FAM81A: variants seen among roughly 807,000 people sequenced by gnomAD.
FAM81A encodes the protein family with sequence similarity 81 member A.
In FAM81A, 19 loss-of-function variants were observed where a neutral mutation model predicts 46.7. The observed-to-expected ratio is 0.41, with a 90% CI of 0.28 to 0.60. The LOEUF is 0.60. Ranked by LOEUF, FAM81A falls within the 20% of genes least tolerant of loss-of-function variation. The probability of loss-of-function intolerance (pLI) is 0.34; values close to 1 mark genes in which losing one functional copy is unlikely to be tolerated. For missense variants in FAM81A, 377 were observed against 453.5 expected (o/e 0.83, Z 1.53); for synonymous variants, 183 against 152.9 (o/e 1.20, Z -1.45).
chr15:59,419,602 G>A (rs1202765229), intron 2 of FAM81A, among the ~76,000 whole-genome samples: 1 of 152,114 alleles, frequency 6.6e-6, no homozygotes, highest in African/African-American at 2.4e-5. Context: ...GGCCGGGCAC[G>A]GTGGCTCAAG....
intron 2 of FAM81A, among the ~76,000 whole-genome samples, chr15:59,411,359 AGAGGTATATAT>A (rs1276701193): frequency 2.0e-5 from 3 of 152,178 alleles, no homozygotes; most frequent in African/African-American, 2.4e-5. Context: ...GCAGAAACAA[AGAGGTATATAT>A]GCATCTTCCA....
At chr15:59,445,977 G>T (rs1029536153) in intron 1 of FAM81A, among the ~76,000 whole-genome samples, 21 of 152,184 alleles carry the variant, frequency 1.4e-4, no homozygotes, top group Non-Finnish European at 1.0e-4. Flanking sequence ...GCCTTCCGCC[G>T]AGCTCACAGC....
rs554452005 is a variant in FAM81A, at chr15:59,425,202, G to A, written c.-78+22844G>A. ...TAAGCTCCATGAGGGCATAGACCAC[G>A]CAATGACTACAGTGTCCCTGTGCCT... On this transcript the variant is annotated intron_variant, in intron 2 of 4. Transcript: ENST00000558348. Among the ~76,000 whole-genome samples the A allele has an allele frequency of 1.8e-4, 28 of 152,174 alleles. 1 individual carries two copies. The highest frequency in any genetic ancestry group is 1.2e-3 in the Admixed American group (19 of 15,284).
At chr15:59,427,480 T>C (rs1183182435) in intron 2 of FAM81A, among the ~76,000 whole-genome samples, 4 of 152,148 alleles carry the variant, frequency 2.6e-5, no homozygotes, top group Admixed American at 2.0e-4. Flanking sequence ...TACCCTGTTG[T>C]GCTATGAAAT....
intron 8 of FAM81A, among the ~76,000 whole-genome samples, chr15:59,518,943 C>CTGTG (rs34494392): frequency 0.021 from 3,055 of 143,102 alleles, 27 homozygotes; most frequent in Non-Finnish European, 0.028. Flanking sequence ...GTGTGTGTGT[C>CTGTG]TGTGTGTGTG....
At chr15:59,505,507 G>A (rs1406719380) in intron 4 of FAM81A, among the ~76,000 whole-genome samples, 9 of 146,984 alleles carry the variant, frequency 6.1e-5, no homozygotes, top group Non-Finnish European at 1.0e-4. Context: ...GTTAGACTCT[G>A]TCTCGAAAAA....
chr15:59,435,210 C>A (rs1422979242), upstream of FAM81A, among the ~76,000 whole-genome samples: 1 of 151,920 alleles, frequency 6.6e-6, no homozygotes, highest in Non-Finnish European at 1.5e-5. Context: ...TTGCTTGAAC[C>A]CGGGAGGCAG....
chr15:59,441,373 C>T (rs1423232293), intron 1 of FAM81A, among the ~76,000 whole-genome samples: 1 of 152,252 alleles, frequency 6.6e-6, no homozygotes, highest in Non-Finnish European at 1.5e-5. Context: ...TCACTGCCCA[C>T]ATGTGGCTCT....
chr15:59,512,085 CTA>C (rs1476410729), intron 6 of FAM81A, among the ~76,000 whole-genome samples: 5 of 152,254 alleles, frequency 3.3e-5, no homozygotes, highest in Non-Finnish European at 7.4e-5. Flanking sequence ...TTCACTACAG[CTA>C]TACAAATCAG....
At chr15:59,437,209 G>T (rs1486961983), upstream of FAM81A, among the ~76,000 whole-genome samples, 1 of 152,162 alleles carries the variant, frequency 6.6e-6, no homozygotes, top group Non-Finnish European at 1.5e-5. Flanking sequence ...CGAATCCACA[G>T]TTCGGGCTCT....
chr15:59,493,450 C>G (rs1206584931), intron 4 of FAM81A, among the ~76,000 whole-genome samples: 2 of 152,088 alleles, frequency 1.3e-5, no homozygotes, highest in African/African-American at 2.4e-5. Flanking sequence ...CTGTTGACTC[C>G]CTCTTCTCTC....
intron 3 of FAM81A, 90 bp from the exon 4 acceptor site, chr15:59,492,181 A>G (rs1236315252): frequency 1.1e-6 from 1 of 902,092 alleles, no homozygotes; most frequent in African/African-American, 1.7e-5. Flanking sequence ...ACTGAGTTAA[A>G]CATTCTTATT....
intron 4 of FAM81A, among the ~76,000 whole-genome samples, chr15:59,493,827 A>T (rs1463256542): frequency 6.6e-6 from 1 of 152,132 alleles, no homozygotes; most frequent in African/African-American, 2.4e-5. Context: ...ACCTCAGGTG[A>T]TCCGCCCACC....
At chr15:59,507,421 A>G in intron 5 of FAM81A, 79 bp downstream of exon 5, 4 of 1,534,414 alleles carry the variant, frequency 2.6e-6, no homozygotes, top group Non-Finnish European at 2.6e-6. Context: ...ATTATTTCTT[A>G]CAGGAGAAAC....
At chr15:59,442,418 G>C (rs2081308183) in intron 1 of FAM81A, among the ~76,000 whole-genome samples, 1 of 151,998 alleles carries the variant, frequency 6.6e-6, no homozygotes, top group African/African-American at 2.4e-5. Flanking sequence ...TTCCAGACCA[G>C]CCTGGCTAAC....
intron 4 of FAM81A, among the ~76,000 whole-genome samples, chr15:59,503,692 C>G (rs1347850300): frequency 6.6e-6 from 1 of 152,116 alleles, no homozygotes; most frequent in Non-Finnish European, 1.5e-5. Flanking sequence ...TGTGCCTCAG[C>G]CTCCTGAGTA....
At chr15:59,415,894 G>A (rs887770176) in intron 2 of FAM81A, among the ~76,000 whole-genome samples, 1 of 152,190 alleles carries the variant, frequency 6.6e-6, no homozygotes, top group Non-Finnish European at 1.5e-5. Context: ...AAGCAGAAAT[G>A]AACTGATTAA....
intron 2 of FAM81A, among the ~76,000 whole-genome samples, chr15:59,418,830 C>T (rs2081158178): frequency 6.6e-6 from 1 of 152,176 alleles, no homozygotes; most frequent in Admixed American, 6.5e-5. Flanking sequence ...GAGGTGATGT[C>T]TCCTCCTCAC....
At chr15:59,427,892 A>T (rs1047562854) in intron 2 of FAM81A, among the ~76,000 whole-genome samples, 2 of 152,220 alleles carry the variant, frequency 1.3e-5, no homozygotes, top group Non-Finnish European at 2.9e-5. Flanking sequence ...TCTTCGATAT[A>T]CTGATTTCCT....
Sources: gnomAD v4.1 joint callset for allele counts (sites outside exome capture counted in the v4.1 genomes callset) on GRCh38, gnomAD v4.1.1 for gene constraint, MANE v1.5 for transcripts, NCBI Gene and HGNC (gene_info 2026-07-23, HGNC 2026-07-21) for gene names.